The following DPP10 variants were observed in gnomAD, a reference collection of about 807,000 sequenced individuals.
DPP10 encodes inactive dipeptidyl peptidase 10.
Under a neutral mutation model 120.9 loss-of-function variants are expected in DPP10, and 33 were observed. That is an observed-to-expected ratio of 0.27 (90% CI 0.21 to 0.37). The LOEUF (loss-of-function observed/expected upper bound fraction) is 0.37, where lower values mean the gene tolerates loss of function less well. Among genes scored for constraint, DPP10 ranks in the 10% least tolerant of loss-of-function variants. The probability of loss-of-function intolerance (pLI) is 1.00; values close to 1 mark genes in which losing one functional copy is unlikely to be tolerated. For missense variants in DPP10, 816 were observed against 942.8 expected, an observed-to-expected ratio of 0.87 and a Z score of 1.76; for synonymous variants, 337 against 326.1, an observed-to-expected ratio of 1.03 and a Z score of -0.36.
intron 1 of DPP10, among the ~76,000 whole-genome samples, chr2:114,451,853 G>A (rs371451288): frequency 1.6e-4 from 24 of 152,226 alleles, no homozygotes; most frequent in East Asian, 5.8e-4. Flanking sequence ...ATGGTAACAC[G>A]TTCCTGGTCT....
At chr2:115,633,061 C>T (rs1465183653) in intron 5 of DPP10, among the ~76,000 whole-genome samples, 1 of 152,174 alleles carries the variant, frequency 6.6e-6, no homozygotes, top group Non-Finnish European at 1.5e-5. Context: ...TACCATTTGA[C>T]CCAGCCATCC....
chr2:115,672,397 A>G (rs932086849), intron 5 of DPP10, among the ~76,000 whole-genome samples: 7 of 152,158 alleles, frequency 4.6e-5, no homozygotes, highest in Non-Finnish European at 1.0e-4. Context: ...TTTCATGTAA[A>G]TCATTTCTAG....
chr2:114,986,484 CT>C lies in DPP10; in HGVS notation c.61-322754del, dbSNP rs550020204. Among the ~76,000 whole-genome samples, 83 of 152,268 alleles carry C rather than the reference CT, an allele frequency of 5.5e-4. 1 individual carries two copies. In the South Asian group the frequency reaches 0.017, roughly 31 times the overall value. On this transcript the variant is annotated intron_variant, in intron 1 of 25. Transcript: ENST00000410059. ...TGAGGTGTTATTCCATATGCCCCTT[CT>C]GGATATAACTATGTAGGGAGTGTAA...
In DPP10 at chr2:114,942,483, G is replaced by A. The variant is rs949486304; in HGVS notation, c.61-366756G>A. On this transcript the variant is annotated intron_variant, in intron 1 of 25. Transcript: ENST00000410059. ...TTGGCCAATTCAATTGGTTCATTCC[G>A]CATGGGAAGGATGGTTGAAAGATTG... 6.8e-5 allele frequency among the ~76,000 whole-genome samples: 10 copies of A among 146,408 alleles called. No individual in the cohort carries two copies. The East Asian group carries it at 9.9e-4, about 15-fold the overall frequency.
intron 1 of DPP10, among the ~76,000 whole-genome samples, chr2:114,524,353 G>A (rs1685320884): frequency 6.6e-6 from 1 of 152,172 alleles, no homozygotes; most frequent in Non-Finnish European, 1.5e-5. Flanking sequence ...AGATAACGCA[G>A]GATCCCATAT....
chr2:114,922,707 T>C (rs1434876015), intron 1 of DPP10, among the ~76,000 whole-genome samples: 1 of 152,220 alleles, frequency 6.6e-6, no homozygotes, highest in East Asian at 1.9e-4. Context: ...TTTCATGTTG[T>C]ACCGTGAATC....
chr2:115,489,471 A>C (rs1427229296), intron 3 of DPP10, among the ~76,000 whole-genome samples: 1 of 152,072 alleles, frequency 6.6e-6, no homozygotes, highest in African/African-American at 2.4e-5. Flanking sequence ...ATTTAAGCAC[A>C]ACTGACCAGC....
intron 1 of DPP10, among the ~76,000 whole-genome samples, chr2:115,132,620 C>T (rs2050418653): frequency 6.6e-6 from 1 of 152,078 alleles, no homozygotes; most frequent in Non-Finnish European, 1.5e-5. Context: ...TAATGCCTGT[C>T]ACTTATGCCT....
chr2:114,727,658 G>T (rs1212545298), intron 1 of DPP10, among the ~76,000 whole-genome samples: 2 of 152,140 alleles, frequency 1.3e-5, no homozygotes, highest in Non-Finnish European at 2.9e-5. Flanking sequence ...CCAACACATT[G>T]TTCCCCGATG....
chr2:115,048,367 A>G (rs893734938), intron 1 of DPP10, among the ~76,000 whole-genome samples: 1 of 152,028 alleles, frequency 6.6e-6, no homozygotes, highest in African/African-American at 2.4e-5. Context: ...CATTGACACT[A>G]TCGTAGGTCA....
chr2:114,518,939 C>A (rs985405950), intron 1 of DPP10, among the ~76,000 whole-genome samples: 2 of 152,180 alleles, frequency 1.3e-5, no homozygotes, highest in Non-Finnish European at 2.9e-5. Flanking sequence ...CAGCTCCCAT[C>A]TGAGCCCTGA....
intron 7 of DPP10, among the ~76,000 whole-genome samples, chr2:115,715,081 T>C (rs2092447273): frequency 1.3e-5 from 2 of 148,328 alleles, no homozygotes; most frequent in Admixed American, 1.4e-4. Flanking sequence ...GGCTCATGCC[T>C]GTCATCCCAG....
intron 12 of DPP10, among the ~76,000 whole-genome samples, chr2:115,767,981 T>G (rs573309616): frequency 1.3e-5 from 2 of 152,286 alleles, no homozygotes; most frequent in Non-Finnish European, 2.9e-5. Flanking sequence ...AAACACAATC[T>G]TATGTGAAGA....
chr2:115,431,262 AAGG>A, intron 3 of DPP10, among the ~76,000 whole-genome samples: 1 of 152,272 alleles, frequency 6.6e-6, no homozygotes, highest in Non-Finnish European at 1.5e-5. Flanking sequence ...CCATGACTGT[AAGG>A]AGGTCATGGA....
chr2:114,447,280 C>T (rs1371736550), intron 1 of DPP10, among the ~76,000 whole-genome samples: 1 of 152,118 alleles, frequency 6.6e-6, no homozygotes, highest in African/African-American at 2.4e-5. Flanking sequence ...CAGGCATGAG[C>T]CACCGCGCCC....
At chr2:115,302,033 A>G (rs2061161284) in intron 1 of DPP10, among the ~76,000 whole-genome samples, 2 of 152,052 alleles carry the variant, frequency 1.3e-5, no homozygotes, top group African/African-American at 4.8e-5. Context: ...AACAGGAAGT[A>G]TGACTGGACG....
intron 5 of DPP10, among the ~76,000 whole-genome samples, chr2:115,557,777 A>C (rs1321802496): frequency 1.3e-5 from 2 of 152,174 alleles, no homozygotes; most frequent in African/African-American, 4.8e-5. Flanking sequence ...GCCTACTCCT[A>C]TTTGTCACTT....
chr2:115,145,855 A>C (rs2051193773), intron 1 of DPP10, among the ~76,000 whole-genome samples: 2 of 152,164 alleles, frequency 1.3e-5, no homozygotes, highest in Admixed American at 6.6e-5. Flanking sequence ...CCAGATATGT[A>C]GTTGTATCTC....
At chr2:114,725,940 G>C (rs1265572002) in intron 1 of DPP10, among the ~76,000 whole-genome samples, 1 of 152,146 alleles carries the variant, frequency 6.6e-6, no homozygotes, top group Non-Finnish European at 1.5e-5. Flanking sequence ...TTCAGCAAAA[G>C]TTCTTCTATA....
Sources: gnomAD v4.1 joint callset for allele counts (sites outside exome capture counted in the v4.1 genomes callset) on GRCh38, gnomAD v4.1.1 for gene constraint, MANE v1.5 for transcripts, NCBI Gene and HGNC (gene_info 2026-07-23, HGNC 2026-07-21) for gene names.